PUM1: variants seen among roughly 807,000 people sequenced by gnomAD.
PUM1 encodes the protein pumilio RNA binding family member 1, also known as pumilio homolog 1.
In PUM1, 13 loss-of-function variants were observed where a neutral mutation model predicts 131.8. That is an observed-to-expected ratio of 0.10 (90% CI 0.06 to 0.16). The LOEUF is 0.16. PUM1 is among the 10% of genes least tolerant of loss of function. The pLI is 1.00. For missense variants in PUM1, 961 were observed against 1,512.4 expected (o/e 0.64, Z 6.05); for synonymous variants, 509 against 556.5 (o/e 0.91, Z 1.20).
intron 10 of PUM1, 138 bp downstream of exon 10, chr1:30,974,513 G>T: frequency 2.4e-6 from 2 of 831,860 alleles, no homozygotes; most frequent in Non-Finnish European, 3.6e-6. Flanking sequence ...ATCTGAGCCT[G>T]AACTCAGACA....
Position 31,053,209 on chromosome 1 carries a change from G to C in PUM1, c.363+5995C>G, listed in dbSNP as rs1644153956. Reference sequence around the variant, plus strand: ...TTTAGTAGAGACAGGGTTTCACCATGTTGGCTGGTCTCAAACGCCTGACCT... The same window carrying C: ...TTTAGTAGAGACAGGGTTTCACCATCTTGGCTGGTCTCAAACGCCTGACCT... On this transcript the variant is annotated intron_variant, in intron 2 of 21. Transcript: ENST00000426105. Among the ~76,000 whole-genome samples, 3 of 149,984 alleles carry C rather than the reference G, an allele frequency of 2.0e-5. No homozygotes were observed. In the South Asian group the frequency reaches 6.4e-4, roughly 32 times the overall value.
chr1:31,040,082 ATC>A (rs1225193039), intron 2 of PUM1, among the ~76,000 whole-genome samples: 3 of 152,148 alleles, frequency 2.0e-5, no homozygotes, highest in Admixed American at 2.0e-4. Context: ...AAGCCCAAGA[ATC>A]TCTTTTTTTT....
At chr1:31,054,240 G>A (rs1644182598) in intron 2 of PUM1, among the ~76,000 whole-genome samples, 1 of 151,978 alleles carries the variant, frequency 6.6e-6, no homozygotes, top group Admixed American at 6.6e-5. Flanking sequence ...CAGAAGAATC[G>A]CTTGAGCCGA....
chr1:30,955,757 A>C (rs559080077), intron 14 of PUM1, among the ~76,000 whole-genome samples: 35 of 152,334 alleles, frequency 2.3e-4, no homozygotes, highest in African/African-American at 7.9e-4. Context: ...TAGCCACAAA[A>C]AGATACCCAG....
At chr1:31,024,717 G>A (rs1397850837) in intron 3 of PUM1, among the ~76,000 whole-genome samples, 1 of 152,208 alleles carries the variant, frequency 6.6e-6, no homozygotes, top group Non-Finnish European at 1.5e-5. Flanking sequence ...TGCGAACAAA[G>A]TACCTTTCTG....
At chr1:31,064,892 A>G (rs1644450422) in intron 1 of PUM1, among the ~76,000 whole-genome samples, 1 of 151,750 alleles carries the variant, frequency 6.6e-6, no homozygotes, top group South Asian at 2.1e-4. Flanking sequence ...GACTAAAACT[A>G]GTATTGTGTA....
chr1:30,946,060 C>T (rs1385726459), intron 17 of PUM1, among the ~76,000 whole-genome samples: 3 of 151,950 alleles, frequency 2.0e-5, no homozygotes, highest in Admixed American at 2.0e-4. Context: ...GCTGGAATTA[C>T]AGGCATGAGC....
At chr1:31,037,391 G>C (rs1022720691) in intron 2 of PUM1, among the ~76,000 whole-genome samples, 1 of 152,114 alleles carries the variant, frequency 6.6e-6, no homozygotes, top group African/African-American at 2.4e-5. Flanking sequence ...TATTAAGTCT[G>C]GGTATCTACC....
In PUM1 at chr1:30,966,100, C is replaced by T; in HGVS notation, c.1968G>A (p.Gln656=). 6.2e-7 allele frequency: 1 copy of T among 1,614,162 alleles called. No individual in the cohort carries two copies. Residue 656 remains glutamine, a synonymous_variant, in exon 13 of 22, where the codon CAG becomes CAA. Transcript: ENST00000426105. ...YGNNSLNSNS[Q]SSSLFSQGSA... ...AGCCCTGGGAGAAGAGGGAGCTGCTCTGTGAATTGCTGTTCAGAGAGTTGT... is the reference window on the plus strand; with the variant it reads ...AGCCCTGGGAGAAGAGGGAGCTGCTTTGTGAATTGCTGTTCAGAGAGTTGT...
At chr1:31,036,633 G>A (rs1359786654) in intron 2 of PUM1, 2 of 152,178 alleles carry the variant, frequency 1.3e-5, no homozygotes, top group African/African-American at 4.8e-5. Flanking sequence ...GGGGAGGCAG[G>A]GATTCGGAGT....
chr1:31,021,634 C>T (rs2124534895), intron 3 of PUM1, among the ~76,000 whole-genome samples: 1 of 152,182 alleles, frequency 6.6e-6, no homozygotes, highest in East Asian at 1.9e-4. Flanking sequence ...ACTTTAGAGT[C>T]CAGCATGCAA....
At chr1:30,980,819 C>T (rs973387032) in intron 8 of PUM1, among the ~76,000 whole-genome samples, 1 of 152,168 alleles carries the variant, frequency 6.6e-6, no homozygotes, top group African/African-American at 2.4e-5. Context: ...ACGATGAATA[C>T]ATCGCTCAAA....
At chr1:30,947,412 G>T (rs1237240913) in intron 17 of PUM1, among the ~76,000 whole-genome samples, 2 of 152,212 alleles carry the variant, frequency 1.3e-5, no homozygotes, top group East Asian at 3.8e-4. Flanking sequence ...AGCAGGAATG[G>T]TTCTCAATTA....
chr1:31,029,198 T>C (rs966802691), intron 2 of PUM1, among the ~76,000 whole-genome samples: 4 of 152,362 alleles, frequency 2.6e-5, no homozygotes, highest in South Asian at 2.1e-4. Context: ...TGAAGAGCAA[T>C]GATGCCTTCA....
intron 7 of PUM1, 128 bp downstream of exon 7, chr1:30,992,262 T>C: frequency 1.6e-6 from 2 of 1,270,004 alleles, no homozygotes; most frequent in Non-Finnish European, 2.2e-6. Context: ...CACTAACAGG[T>C]TCACAAGGGC....
Position 30,974,762 on chromosome 1 carries a change from G to A in PUM1, c.1395C>T (p.Pro465=), listed in dbSNP as rs141860780. The stretch of plus-strand genomic sequence containing the variant: ...AAAGACTGGCAGGGTAGACTCCCCA[G>A]GGAGTAACTCCATAATACTGGTGAG... ...VVPHQYYGVT[P]WGVYPASLFQ... is the part of the protein sequence containing the mutation. The change falls in exon 10 of 22, where the codon CCC becomes CCT. Residue 465 remains proline, a synonymous_variant. Coordinates refer to ENST00000426105, the MANE Select transcript of PUM1 (RefSeq NM_001020658.2). 53 of 1,612,934 alleles carry A rather than the reference G, an allele frequency of 3.3e-5. 1 individual carries two copies. The East Asian group carries it at 6.0e-4, about 18-fold the overall frequency.
At chr1:30,991,569 A>T (rs1262323076) in intron 7 of PUM1, among the ~76,000 whole-genome samples, 1 of 152,198 alleles carries the variant, frequency 6.6e-6, no homozygotes, top group Non-Finnish European at 1.5e-5. Flanking sequence ...CAAACCTAGA[A>T]GTCTGCATTA....
intron 9 of PUM1, among the ~76,000 whole-genome samples, chr1:30,976,529 C>T (rs1290981269): frequency 6.6e-6 from 1 of 152,192 alleles, no homozygotes; most frequent in Non-Finnish European, 1.5e-5. Flanking sequence ...TAAATAGACA[C>T]ATATTCTTGT....
At chr1:31,038,235 AGAG>A (rs1557598713) in intron 2 of PUM1, among the ~76,000 whole-genome samples, 1 of 152,062 alleles carries the variant, frequency 6.6e-6, no homozygotes, top group Non-Finnish European at 1.5e-5. Flanking sequence ...AAATATGTTC[AGAG>A]GAGAACTATC....
Sources: allele counts gnomAD v4.1 joint callset (sites outside exome capture counted in the v4.1 genomes callset), GRCh38; gene constraint gnomAD v4.1.1; transcripts MANE v1.5; gene names NCBI Gene and HGNC (gene_info 2026-07-23, HGNC 2026-07-21).